PLBD2: variants seen among roughly 807,000 people sequenced by gnomAD.
PLBD2 encodes phospholipase B domain containing 2.
In PLBD2, 51 loss-of-function variants were observed where a neutral mutation model predicts 68.3. The ratio of observed to expected loss-of-function variants is 0.75; its 90% CI spans 0.60 to 0.94. The LOEUF (loss-of-function observed/expected upper bound fraction) is 0.94. Among genes scored for constraint, PLBD2 ranks in the 40% least tolerant of loss-of-function variants. The probability of loss-of-function intolerance (pLI) is 0.00; values close to 1 mark genes in which losing one functional copy is unlikely to be tolerated. For missense variants in PLBD2, 729 were observed against 792.2 expected (o/e 0.92, Z 0.96); for synonymous variants, 314 against 339.3 (o/e 0.93, Z 0.82).
At chr12:113,373,341 C>T (rs563127512) in intron 3 of PLBD2, among the ~76,000 whole-genome samples, 4 of 152,358 alleles carry the variant, frequency 2.6e-5, no homozygotes, top group Admixed American at 6.5e-5. Context: ...ATGGATTCCC[C>T]GGAAAATGTC....
chr12:113,388,637 C>G lies in PLBD2; in HGVS notation c.*11C>G, dbSNP rs78927955. 0.13 allele frequency: 201,809 copies of G among 1,556,064 alleles called. 13,966 individuals carry two copies. The highest frequency in any genetic ancestry group is 0.17 in the Middle Eastern group (977 of 5,828). ...GTTTCATGGGACTGAAGTTCTGTCCCTGCTCTGCTGCTTTCGCCCCTGCTG... is the reference window on the plus strand; with the variant it reads ...GTTTCATGGGACTGAAGTTCTGTCCGTGCTCTGCTGCTTTCGCCCCTGCTG... On this transcript the variant is annotated 3_prime_UTR_variant, in exon 12 of 12. Transcript: ENST00000280800.
chr12:113,374,069 T>C (rs1350663655), intron 3 of PLBD2, among the ~76,000 whole-genome samples: 1 of 152,044 alleles, frequency 6.6e-6, no homozygotes, highest in Non-Finnish European at 1.5e-5. Context: ...CTATAGGATG[T>C]TGAGGCAAAA....
chr12:113,367,271 A>G (rs1195236516), intron 1 of PLBD2, among the ~76,000 whole-genome samples: 4 of 152,264 alleles, frequency 2.6e-5, no homozygotes, highest in African/African-American at 4.8e-5. Flanking sequence ...ATGTAACTCA[A>G]CTAATTTAAA....
At chr12:113,388,359 C>T (rs1957574532) in intron 11 of PLBD2, 100 bp from the exon 12 acceptor site, 1 of 1,187,578 alleles carries the variant, frequency 8.4e-7, no homozygotes, top group African/African-American at 1.6e-5. Flanking sequence ...AGTGACAGTT[C>T]AGAATTGGGC....
chr12:113,375,725 G>A (rs1267862422), intron 5 of PLBD2, among the ~76,000 whole-genome samples: 1 of 152,174 alleles, frequency 6.6e-6, no homozygotes, highest in African/African-American at 2.4e-5. Flanking sequence ...TTGATTGTCA[G>A]CCAGGGTGAT....
intron 5 of PLBD2, among the ~76,000 whole-genome samples, chr12:113,378,667 G>A (rs114320138): frequency 0.026 from 3,911 of 151,226 alleles, 155 homozygotes; most frequent in East Asian, 0.12. Context: ...GGGTCCCACT[G>A]TGCCTTTTTC....
At chr12:113,380,968 G>A (rs1957484865) in intron 6 of PLBD2, 126 bp downstream of exon 6, 6 of 880,964 alleles carry the variant, frequency 6.8e-6, no homozygotes, top group Non-Finnish European at 1.1e-5. Context: ...TGCCATGTAG[G>A]AGCCAGGGGT....
At position 113,358,698 on chromosome 12, in the gene PLBD2, C is replaced by G; in HGVS notation, c.98C>G (p.Pro33Arg). The change falls in exon 1 of 12, where the codon CCG (proline) becomes CGG (arginine). Residue 33 changes from proline (P) to arginine (R), a missense_variant. Transcript: ENST00000280800. ...CTGGTGCTGGCCCTGCTGGTCGGGC[C>G]GTTCCTGAGCGGCCTGGCGGGGGCG... ...LALVLALLVGPFLSGLAGAIP... is the reference protein window; with the variant it reads ...LALVLALLVGRFLSGLAGAIP... The G allele has an allele frequency of 1.4e-6, 2 of 1,408,516 alleles. No homozygotes were observed. The highest frequency in any genetic ancestry group is 9.2e-7 in the Non-Finnish European group (1 of 1,089,432). 87.3% of individuals were successfully genotyped at this position (1,408,516 alleles called of 1,614,324 possible). A position where few individuals can be genotyped will look rare whatever the true frequency, so the allele number is the denominator to read the frequency against.
intron 9 of PLBD2, 106 bp from the exon 10 acceptor site, chr12:113,386,831 T>G (rs1399291997): frequency 1.3e-5 from 17 of 1,347,224 alleles, no homozygotes; most frequent in Non-Finnish European, 1.7e-5. Flanking sequence ...AATGTCGTAG[T>G]TGTAAGTAAT....
chr12:113,388,411 GGGGCAGGCCA>G, intron 11 of PLBD2, 38 bp from the exon 12 acceptor site: 1 of 1,471,922 alleles, frequency 6.8e-7, no homozygotes. Context: ...TGCCTGGATT[GGGGCAGGCCA>G]GGACCCCTGC....
intron 1 of PLBD2, among the ~76,000 whole-genome samples, chr12:113,364,033 G>A (rs1957319769): frequency 6.6e-6 from 1 of 152,174 alleles, no homozygotes; most frequent in Non-Finnish European, 1.5e-5. Context: ...GTCCGCTATG[G>A]CATGTGTGAT....
At chr12:113,387,651 C>A in intron 10 of PLBD2, 93 bp from the exon 11 acceptor site, 1 of 1,374,614 alleles carries the variant, frequency 7.3e-7, no homozygotes, top group Admixed American at 1.8e-5. Context: ...TGAAGGCTGG[C>A]AGCTGTTAAC....
chr12:113,370,466 T>G (rs1191855406), intron 2 of PLBD2, among the ~76,000 whole-genome samples: 1 of 149,444 alleles, frequency 6.7e-6, no homozygotes, highest in Non-Finnish European at 1.5e-5. Flanking sequence ...ATTTTCTTTT[T>G]CTTTTCTTTT....
In PLBD2 at chr12:113,385,280, T is replaced by C. The variant is rs753836513; in HGVS notation, c.1283T>C (p.Ile428Thr). The stretch of plus-strand genomic sequence containing the variant: ...AAGACCTACTGGGCCAGCTACAACA[T>C]ACCGTGCGTGCCTTCTCACTCCGCT... ...YQKTYWASYN[I>T]PSFETVFNAS... The change falls in exon 9 of 12, where the codon ATA (isoleucine) becomes ACA (threonine). Residue 428 changes from isoleucine (I) to threonine (T), a missense_variant. By Grantham distance (89) the Ile-to-Thr change is moderately conservative. Transcript: ENST00000280800. 6.2e-6 allele frequency: 10 copies of C among 1,613,932 alleles called. No individual in the cohort carries two copies. The African/African-American group carries it at 9.3e-5, about 15-fold the overall frequency.
intron 10 of PLBD2, 117 bp downstream of exon 10, chr12:113,387,206 G>C (rs1353010729): frequency 1.5e-6 from 2 of 1,337,492 alleles, no homozygotes; most frequent in African/African-American, 3.0e-5. Context: ...AGGGCCAGCA[G>C]GGGGTGGTCA....
chr12:113,358,918 G>A (rs897636788), intron 1 of PLBD2, 28 bp downstream of exon 1: 5 of 1,491,186 alleles, frequency 3.4e-6, no homozygotes, highest in Non-Finnish European at 4.4e-6. Context: ...CCCACGCGGG[G>A]CCATCGGGGG....
Position 113,388,532 on chromosome 12 carries a change from C to T in PLBD2, c.1676C>T (p.Pro559Leu), listed in dbSNP as rs372785924. ...ASGPTWDQVP[P>L]FQWSTSPFSG... ...GGTCCCACGTGGGACCAGGTGCCCC[C>T]GTTCCAGTGGAGCACCTCGCCCTTC... Residue 559 changes from proline (P) to leucine (L), a missense_variant, in exon 12 of 12, where the codon CCG becomes CTG. Pro to Leu is a moderately conservative substitution (Grantham distance 98, BLOSUM62 -3). Coordinates refer to ENST00000280800, the MANE Select transcript of PLBD2 (RefSeq NM_173542.4). 62 of 1,610,982 alleles carry T rather than the reference C, an allele frequency of 3.8e-5. No individual in the cohort carries two copies. The highest frequency in any genetic ancestry group is 8.4e-5 in the Admixed American group (5 of 59,634).
chr12:113,380,668 T>G, intron 5 of PLBD2, 77 bp from the exon 6 acceptor site: 1 of 1,199,308 alleles, frequency 8.3e-7, no homozygotes, highest in Non-Finnish European at 1.2e-6. Flanking sequence ...CCTGTGCCTG[T>G]GTCTTGTTAG....
chr12:113,359,201 G>A (rs1957263864), intron 1 of PLBD2: 1 of 355,968 alleles, frequency 2.8e-6, no homozygotes, highest in African/African-American at 2.2e-5. Context: ...GTCCATGGCT[G>A]GTGGGTAAAT....
Sources: allele counts gnomAD v4.1 joint callset (sites outside exome capture counted in the v4.1 genomes callset), GRCh38; gene constraint gnomAD v4.1.1; transcripts MANE v1.5; gene names NCBI Gene and HGNC (gene_info 2026-07-23, HGNC 2026-07-21).